Variants in ZFPM2 observed in about 807,000 individuals in gnomAD.
ZFPM2 encodes zinc finger protein, FOG family member 2, also known as zinc finger protein ZFPM2.
ZFPM2 carries 20 observed loss-of-function variants against 98.6 expected under a neutral mutation model. The ratio of observed to expected loss-of-function variants is 0.20; its 90% CI spans 0.14 to 0.29. The LOEUF is 0.29. Among genes scored for constraint, ZFPM2 ranks in the 10% least tolerant of loss-of-function variants. ZFPM2 has a pLI of 1.00. For missense variants in ZFPM2, 1,310 were observed against 1,388.6 expected, an observed-to-expected ratio of 0.94 and a Z score of 0.90; for synonymous variants, 518 against 502.7, an observed-to-expected ratio of 1.03 and a Z score of -0.41.
At chr8:105,482,995 T>TTTCCTTCCTTCCGTCCTTCCTTCC (rs1813153056) in intron 3 of ZFPM2, among the ~76,000 whole-genome samples, 1 of 51,406 alleles carries the variant, frequency 1.9e-5, no homozygotes, top group African/African-American at 8.4e-5. Context: ...CCCCCCATCC[T>TTTCCTTCCTTCCGTCCTTCCTTCC]TTCCTTCCTT....
chr8:105,591,530 C>T (rs1815843118), intron 4 of ZFPM2, among the ~76,000 whole-genome samples: 1 of 152,002 alleles, frequency 6.6e-6, no homozygotes, highest in Non-Finnish European at 1.5e-5. Context: ...TAAACTTGTA[C>T]ACCAGAAAAA....
intron 6 of ZFPM2, chr8:105,796,013 A>T (rs1813796728): frequency 5.0e-6 from 1 of 199,340 alleles, no homozygotes; most frequent in Non-Finnish European, 1.0e-5. Flanking sequence ...TAAAATATTT[A>T]ACTGTAATTA....
At chr8:105,433,263 T>G (rs900514622) in intron 2 of ZFPM2, among the ~76,000 whole-genome samples, 5 of 152,206 alleles carry the variant, frequency 3.3e-5, no homozygotes, top group Non-Finnish European at 7.3e-5. Context: ...CATCAAATCT[T>G]CAGTGAACTT....
At chr8:105,337,441 C>T (rs1159164975) in intron 1 of ZFPM2, among the ~76,000 whole-genome samples, 1 of 151,830 alleles carries the variant, frequency 6.6e-6, no homozygotes, top group East Asian at 1.9e-4. Context: ...TTCACACTTT[C>T]ATATACATAG....
chr8:105,785,083 T>C (rs1170484528), intron 5 of ZFPM2: 2 of 152,146 alleles, frequency 1.3e-5, no homozygotes, highest in Non-Finnish European at 2.9e-5. Context: ...TTGGTGATCC[T>C]CTTTTCACTC....
intron 3 of ZFPM2, among the ~76,000 whole-genome samples, chr8:105,481,685 TG>T (rs1813120438): frequency 6.6e-6 from 1 of 152,066 alleles, no homozygotes; most frequent in Admixed American, 6.5e-5. Flanking sequence ...GTTAAGTGAA[TG>T]GTATTAATAT....
At position 105,318,864 on chromosome 8, in the gene ZFPM2, G is replaced by GC. The variant is rs1242616727; in HGVS notation, c.-77dup. The GC allele has an allele frequency of 1.3e-5, 12 of 911,902 alleles. No homozygotes were observed. In the African/African-American group the frequency reaches 3.1e-4, roughly 24 times the overall value. 56.5% of individuals were successfully genotyped at this position (911,902 alleles called of 1,614,324 possible). On this transcript the variant is annotated 5_prime_UTR_variant, in exon 1 of 8. Coordinates refer to ENST00000407775, the MANE Select transcript of ZFPM2 (RefSeq NM_012082.4). ...CTGGCCAGCGGCGGCGGCGGCGGCGGCGGCGGCGGGAGCCGAGGGAGCGGC... is the reference window on the plus strand; with the variant it reads ...CTGGCCAGCGGCGGCGGCGGCGGCGGCCGGCGGCGGGAGCCGAGGGAGCGGC...
chr8:105,494,366 C>T (rs1415829360), intron 3 of ZFPM2, among the ~76,000 whole-genome samples: 1 of 151,560 alleles, frequency 6.6e-6, no homozygotes, highest in East Asian at 2.0e-4. Flanking sequence ...TCATCCTCGA[C>T]TCTTGGGTAC....
chr8:105,539,795 A>C (rs1814538438), intron 3 of ZFPM2, among the ~76,000 whole-genome samples: 1 of 152,214 alleles, frequency 6.6e-6, no homozygotes, highest in Admixed American at 6.5e-5. Flanking sequence ...GTCGTTTCAC[A>C]AATGTTAAAT....
At chr8:105,390,661 G>A in intron 1 of ZFPM2, among the ~76,000 whole-genome samples, 1 of 152,074 alleles carries the variant, frequency 6.6e-6, no homozygotes, top group East Asian at 1.9e-4. Context: ...AAATTCCAAG[G>A]GCTTTGGATT....
At chr8:105,346,533 G>A (rs1812532320) in intron 1 of ZFPM2, among the ~76,000 whole-genome samples, 1 of 152,164 alleles carries the variant, frequency 6.6e-6, no homozygotes, top group South Asian at 2.1e-4. Context: ...ACAGTGAGAT[G>A]CAGTTATGAC....
chr8:105,736,751 A>G (rs1055935274), intron 5 of ZFPM2, among the ~76,000 whole-genome samples: 1 of 152,168 alleles, frequency 6.6e-6, no homozygotes, highest in African/African-American at 2.4e-5. Context: ...TTTATTAGAC[A>G]ACTTTTTCAC....
chr8:105,736,026 G>T (rs1165012783), intron 5 of ZFPM2, among the ~76,000 whole-genome samples: 1 of 151,806 alleles, frequency 6.6e-6, no homozygotes, highest in South Asian at 2.1e-4. Flanking sequence ...TTTATAAACT[G>T]TTAAAGATAT....
Position 105,595,162 on chromosome 8 carries a change from G to A in ZFPM2, c.420+33681G>A, listed in dbSNP as rs1179284773. ...TAGTAGAAACCATTGTACAGTCTTA[G>A]CAGGCACTTGCATTGGCAAGAATAA... On this transcript the variant is annotated intron_variant, in intron 4 of 7. Transcript: ENST00000407775. Among the ~76,000 whole-genome samples, 7 of 152,246 alleles carry A rather than the reference G, an allele frequency of 4.6e-5. No individual in the cohort carries two copies. In the South Asian group the frequency reaches 1.4e-3, roughly 32 times the overall value.
chr8:105,793,382 ATTCTT>A (rs1586273424), intron 6 of ZFPM2, among the ~76,000 whole-genome samples: 1 of 152,104 alleles, frequency 6.6e-6, no homozygotes, highest in African/African-American at 2.4e-5. Context: ...TGGGTTGAAA[ATTCTT>A]TTCTTTAAGA....
chr8:105,561,391 G>A lies in ZFPM2; in HGVS notation c.330G>A (p.Gly110=), dbSNP rs1456261128. Residue 110 remains glycine, a synonymous_variant, in exon 4 of 8, where the codon GGG becomes GGA. Transcript: ENST00000407775. ...PGELEVFQKD[G]ERKIQSRQQL... is the part of the protein sequence containing the mutation. The stretch of plus-strand genomic sequence containing the variant: ...AGCTGGAGGTGTTTCAGAAAGATGG[G>A]GAACGAAAAATTCAGAGTCGACAGC... The A allele has an allele frequency of 6.2e-7, 1 of 1,613,402 alleles. No individual in the cohort carries two copies. Among genetic ancestry groups the A allele is most frequent in the Admixed American group, 1.7e-5 (1 of 59,958 alleles).
At chr8:105,796,830 T>G (rs1813833844) in intron 6 of ZFPM2, 1 of 152,302 alleles carries the variant, frequency 6.6e-6, no homozygotes, top group South Asian at 2.1e-4. Flanking sequence ...CTTAGTCCCA[T>G]TGTACATTTT....
At chr8:105,468,753 A>C (rs2130337073) in intron 3 of ZFPM2, among the ~76,000 whole-genome samples, 1 of 152,320 alleles carries the variant, frequency 6.6e-6, no homozygotes, top group East Asian at 1.9e-4. Context: ...AATCTCAGGC[A>C]ATCCTCTCAA....
chr8:105,682,047 A>C (rs1409719582), intron 5 of ZFPM2, among the ~76,000 whole-genome samples: 1 of 152,164 alleles, frequency 6.6e-6, no homozygotes, highest in African/African-American at 2.4e-5. Flanking sequence ...ACATGAGAAA[A>C]ATGAGGGCCA....
Sources: gnomAD v4.1 joint callset for allele counts (sites outside exome capture counted in the v4.1 genomes callset) on GRCh38, gnomAD v4.1.1 for gene constraint, MANE v1.5 for transcripts, NCBI Gene and HGNC (gene_info 2026-07-23, HGNC 2026-07-21) for gene names.